The following CYP20A1 variants were observed in gnomAD, a reference collection of about 807,000 sequenced individuals.
CYP20A1 encodes cytochrome P450 family 20 subfamily A member 1, also known as cytochrome P450 20A1.
A neutral mutation model predicts 61.4 loss-of-function variants in CYP20A1; 61 were observed. The observed-to-expected ratio is 0.99, with a 90% CI of 0.81 to 1.23. The LOEUF is 1.23. Ranked by LOEUF, CYP20A1 falls within the 50% of genes most tolerant of loss-of-function variation. The pLI is 0.00. For synonymous variants in CYP20A1, 193 were observed against 188.2 expected (o/e 1.03, Z -0.21); for missense variants, 530 against 542.4 (o/e 0.98, Z 0.23).
chr2:203,280,370 G>A (rs1413020578), intron 8 of CYP20A1, among the ~76,000 whole-genome samples: 2 of 152,098 alleles, frequency 1.3e-5, no homozygotes, highest in Non-Finnish European at 2.9e-5. Context: ...AACTGTGATT[G>A]TGCACTCCAG....
intron 8 of CYP20A1, among the ~76,000 whole-genome samples, chr2:203,282,015 T>C (rs1269485089): frequency 6.7e-6 from 1 of 150,070 alleles, no homozygotes; most frequent in Non-Finnish European, 1.5e-5. Context: ...TAAGCATATG[T>C]CAAAAATAAT....
chr2:203,291,649 T>A (rs2068538098), intron 10 of CYP20A1, among the ~76,000 whole-genome samples: 1 of 151,060 alleles, frequency 6.6e-6, no homozygotes, highest in Non-Finnish European at 1.5e-5. Context: ...GTTGCTTACA[T>A]TTTTTTTTGT....
intron 11 of CYP20A1, among the ~76,000 whole-genome samples, chr2:203,295,323 C>T (rs995650875): frequency 3.3e-5 from 5 of 152,062 alleles, no homozygotes; most frequent in Non-Finnish European, 5.9e-5. Context: ...AATCCTCCCA[C>T]CTTGGCGTCA....
rs963889590 is a variant in CYP20A1 at position 203,298,950 on chromosome 2, G to A, written c.*2042G>A. Among the ~76,000 whole-genome samples, 2 of 151,900 alleles carry A rather than the reference G, an allele frequency of 1.3e-5. No individual in the cohort carries two copies. The highest frequency in any genetic ancestry group is 6.6e-5 in the Admixed American group (1 of 15,226). On this transcript the variant is annotated 3_prime_UTR_variant, in exon 13 of 13. Transcript: ENST00000356079. ...CTTGGGAGGCTGAGGCAGGAGAATC[G>A]CTTGAACCTGGGAGGCGGAGGTTGC... is the stretch of plus-strand genomic sequence containing the variant.
intron 9 of CYP20A1, among the ~76,000 whole-genome samples, 163 bp from the exon 10 acceptor site, chr2:203,289,602 G>A (rs7593677): frequency 0.92 from 140,338 of 151,844 alleles, 65,117 homozygotes; most frequent in Non-Finnish European, 0.96. Context: ...TAATCTTTAT[G>A]TACTTCTAAT....
At chr2:203,257,158 AAAG>A (rs2066922771) in intron 4 of CYP20A1, among the ~76,000 whole-genome samples, 1 of 152,020 alleles carries the variant, frequency 6.6e-6, no homozygotes, top group Admixed American at 6.6e-5. Flanking sequence ...ACAAAAAAAA[AAAG>A]AGAAAAATTA....
intron 3 of CYP20A1, among the ~76,000 whole-genome samples, chr2:203,251,021 G>A (rs551459524): frequency 2.6e-4 from 32 of 124,156 alleles, no homozygotes; most frequent in East Asian, 1.8e-3. Flanking sequence ...CCAAGATTGC[G>A]CCACTGCACT....
At position 203,300,312 on chromosome 2, in the gene CYP20A1, T is replaced by A. The variant is rs977577062; in HGVS notation, c.*3404T>A. On this transcript the variant is annotated 3_prime_UTR_variant, in exon 13 of 13. Coordinates refer to ENST00000356079, the MANE Select transcript of CYP20A1 (RefSeq NM_177538.3). The stretch of plus-strand genomic sequence containing the variant: ...CTCTAGATAATTTTTTAAATAAAAG[T>A]ACTGTTAATATATAAACTAAGTTAT... Among the ~76,000 whole-genome samples, 1 of 152,226 alleles carries A rather than the reference T, an allele frequency of 6.6e-6. No homozygotes were observed. The highest frequency in any genetic ancestry group is 1.5e-5 in the Non-Finnish European group (1 of 68,034).
chr2:203,271,082 ATTTT>A (rs1161241853), intron 5 of CYP20A1, among the ~76,000 whole-genome samples: 1,708 of 30,922 alleles, frequency 0.055, 27 homozygotes, highest in East Asian at 0.19. Context: ...ATATATATAT[ATTTT>A]TTTTTTTTTT....
At chr2:203,288,617 A>G (rs1201477444) in intron 9 of CYP20A1, among the ~76,000 whole-genome samples, 3 of 152,160 alleles carry the variant, frequency 2.0e-5, no homozygotes, top group Non-Finnish European at 4.4e-5. Context: ...AAATATTTAT[A>G]CAGAGGAAAG....
chr2:203,248,069 T>C (rs1366063240), intron 3 of CYP20A1, among the ~76,000 whole-genome samples: 1 of 151,700 alleles, frequency 6.6e-6, no homozygotes. Flanking sequence ...CTACAAAAAA[T>C]ACAAAAATTA....
intron 11 of CYP20A1, among the ~76,000 whole-genome samples, chr2:203,294,941 ATTTTTTTTTTTTTTTTT>A (rs1167546590): frequency 4.4e-5 from 2 of 45,434 alleles, no homozygotes; most frequent in African/African-American, 8.5e-5. Context: ...CTTTAAAAAA[ATTTTTTTTTTTTTTTTT>A]TTTTTTTTTT....
intron 8 of CYP20A1, among the ~76,000 whole-genome samples, chr2:203,284,575 C>A (rs2068185734): frequency 1.3e-5 from 2 of 152,074 alleles, no homozygotes; most frequent in South Asian, 4.2e-4. Flanking sequence ...CTAAAGTAAG[C>A]CATGAGCCAG....
Position 203,303,197 on chromosome 2 carries a change from G to T in CYP20A1, c.*6289G>T, listed in dbSNP as rs1400624332. On this transcript the variant is annotated 3_prime_UTR_variant, in exon 13 of 13. Transcript: ENST00000356079. ...TGTATTTTTTTTTAGTAGAGACAGG[G>T]TTTCACCATGTTGGCCAGGCTGGTC... Among the ~76,000 whole-genome samples the T allele has an allele frequency of 4.0e-5, 6 of 151,198 alleles. No homozygotes were observed. Among genetic ancestry groups the T allele is most frequent in the African/African-American group, 1.5e-4 (6 of 41,174 alleles).
At chr2:203,280,864 A>G (rs1257123722) in intron 8 of CYP20A1, among the ~76,000 whole-genome samples, 1 of 152,172 alleles carries the variant, frequency 6.6e-6, no homozygotes, top group Non-Finnish European at 1.5e-5. Context: ...GACACATTTT[A>G]TGGATTGTGA....
intron 6 of CYP20A1, among the ~76,000 whole-genome samples, chr2:203,272,971 C>A (rs1473740807): frequency 6.6e-6 from 1 of 151,814 alleles, no homozygotes; most frequent in African/African-American, 2.4e-5. Context: ...CTCAGCCTCC[C>A]GAGTAGCTGG....
intron 4 of CYP20A1, among the ~76,000 whole-genome samples, chr2:203,259,029 A>G (rs1266844426): frequency 6.6e-6 from 1 of 152,042 alleles, no homozygotes; most frequent in African/African-American, 2.4e-5. Flanking sequence ...AGCCTTAATT[A>G]TTTTGTCTTC....
intron 3 of CYP20A1, among the ~76,000 whole-genome samples, chr2:203,250,176 T>TA (rs144372981): frequency 2.6e-5 from 4 of 151,750 alleles, no homozygotes; most frequent in Non-Finnish European, 5.9e-5. Flanking sequence ...GCATTGTTTA[T>TA]AAAAAAAAAT....
Position 203,300,130 on chromosome 2 carries a change from C to T in CYP20A1, c.*3222C>T, listed in dbSNP as rs575939241. Reference sequence around the variant, plus strand: ...TGAAAGCAAAAATAGGGCAGTTGAACCAGAGTCAGCCAGTTGGCATAACTG... The same window carrying T: ...TGAAAGCAAAAATAGGGCAGTTGAATCAGAGTCAGCCAGTTGGCATAACTG... On this transcript the variant is annotated 3_prime_UTR_variant, in exon 13 of 13. Coordinates refer to ENST00000356079, the MANE Select transcript of CYP20A1 (RefSeq NM_177538.3). Among the ~76,000 whole-genome samples, 1 of 152,180 alleles carries T rather than the reference C, an allele frequency of 6.6e-6. No homozygotes were observed. The highest frequency in any genetic ancestry group is 2.1e-4 in the South Asian group (1 of 4,824).
Sources: allele counts gnomAD v4.1 joint callset (sites outside exome capture counted in the v4.1 genomes callset), GRCh38; gene constraint gnomAD v4.1.1; transcripts MANE v1.5; gene names NCBI Gene and HGNC (gene_info 2026-07-23, HGNC 2026-07-21).